NTRK3: variants seen among roughly 807,000 people sequenced by gnomAD.
The protein encoded by NTRK3 is neurotrophic receptor tyrosine kinase 3.
A neutral mutation model predicts 91.7 loss-of-function variants in NTRK3; 24 were observed. The observed-to-expected ratio is 0.26, with a 90% confidence interval of 0.19 to 0.37. NTRK3 has a LOEUF of 0.37. NTRK3 is among the 10% of genes least tolerant of loss of function. The probability of loss-of-function intolerance (pLI) is 1.00; values close to 1 mark genes in which losing one functional copy is unlikely to be tolerated. For synonymous variants in NTRK3, 483 were observed against 404.0 expected (o/e 1.20, Z -2.34); for missense variants, 880 against 1,068.9 (o/e 0.82, Z 2.46).
At chr15:88,075,934 T>C (rs1597154925) in intron 13 of NTRK3, among the ~76,000 whole-genome samples, 1 of 152,200 alleles carries the variant, frequency 6.6e-6, no homozygotes, top group Admixed American at 6.5e-5. Flanking sequence ...ATCATGTATG[T>C]GAAGCACTAA....
chr15:88,131,234 C>T (rs1411079292), intron 10 of NTRK3, among the ~76,000 whole-genome samples: 1 of 152,136 alleles, frequency 6.6e-6, no homozygotes, highest in Non-Finnish European at 1.5e-5. Context: ...CCCACCATGC[C>T]CTGAAAAGTA....
intron 3 of NTRK3, among the ~76,000 whole-genome samples, chr15:88,192,719 T>C (rs2047509910): frequency 6.6e-6 from 1 of 152,130 alleles, no homozygotes; most frequent in South Asian, 2.1e-4. Flanking sequence ...AGTCACACTG[T>C]CCTGCTTCTG....
chr15:88,054,088 C>T (rs1211381477), intron 13 of NTRK3, among the ~76,000 whole-genome samples: 1 of 152,080 alleles, frequency 6.6e-6, no homozygotes, highest in Non-Finnish European at 1.5e-5. Context: ...AGCATTGAGC[C>T]CAGTTCAATA....
chr15:88,044,578 C>T (rs866961166), intron 13 of NTRK3, among the ~76,000 whole-genome samples: 4 of 146,706 alleles, frequency 2.7e-5, no homozygotes, highest in African/African-American at 1.0e-4. Context: ...CCCGCCCCCC[C>T]ACCCCACCAC....
intron 6 of NTRK3, among the ~76,000 whole-genome samples, chr15:88,143,411 C>A (rs939234064): frequency 7.9e-5 from 12 of 152,174 alleles, no homozygotes; most frequent in African/African-American, 2.9e-4. Flanking sequence ...GAGTGTGGCC[C>A]TGCCAACTCC....
At chr15:87,902,625 A>T (rs1412398626) in intron 17 of NTRK3, among the ~76,000 whole-genome samples, 1 of 142,314 alleles carries the variant, frequency 7.0e-6, no homozygotes, top group Non-Finnish European at 1.6e-5. Flanking sequence ...AATGAAGCCA[A>T]CACTAGAAAT....
At chr15:87,913,258 T>G (rs1359170883) in intron 17 of NTRK3, among the ~76,000 whole-genome samples, 1 of 151,986 alleles carries the variant, frequency 6.6e-6, no homozygotes, top group East Asian at 1.9e-4. Flanking sequence ...GTAAAGCAGA[T>G]CCGCCTGGCA....
chr15:88,145,446 G>A (rs1379654639), intron 6 of NTRK3, among the ~76,000 whole-genome samples: 2 of 152,050 alleles, frequency 1.3e-5, no homozygotes, highest in Non-Finnish European at 2.9e-5. Context: ...ACTCACACTG[G>A]AGGGAATGTC....
At chr15:87,970,834 T>C (rs550818319) in intron 14 of NTRK3, among the ~76,000 whole-genome samples, 82 of 152,252 alleles carry the variant, frequency 5.4e-4, no homozygotes, top group African/African-American at 1.9e-3. Context: ...TTTCTGCAAG[T>C]TGGGGATTTC....
chr15:87,979,385 T>C, intron 14 of NTRK3: 1 of 1,613,546 alleles, frequency 6.2e-7, no homozygotes, highest in South Asian at 1.1e-5. Context: ...AACATTGACA[T>C]CCTCAACATA....
At chr15:88,087,576 C>T (rs530420073) in intron 13 of NTRK3, among the ~76,000 whole-genome samples, 2 of 152,290 alleles carry the variant, frequency 1.3e-5, no homozygotes, top group African/African-American at 2.4e-5. Context: ...TGAGACCTTC[C>T]TCTTGGGATC....
intron 14 of NTRK3, among the ~76,000 whole-genome samples, chr15:87,944,093 G>A (rs2070177643): frequency 1.3e-5 from 2 of 152,194 alleles, no homozygotes; most frequent in South Asian, 4.1e-4. Context: ...TGGGTAGGGT[G>A]GTGAGTGCTG....
rs1335207298 is a variant in NTRK3, at chr15:87,888,782, TG to T, written c.2134-8355del. On this transcript the variant is annotated intron_variant, in intron 17 of 18. Transcript: ENST00000394480. ...CTAAAAATATGTTGGCTTTTTTTTT[TG>T]TCTAAAATTCAAATTTAGCAAGGTG... 2.0e-5 allele frequency among the ~76,000 whole-genome samples: 3 copies of T among 152,290 alleles called. No homozygotes were observed. The East Asian group carries it at 5.8e-4, about 29-fold the overall frequency.
At chr15:87,919,861 G>A (rs969357957) in intron 17 of NTRK3, among the ~76,000 whole-genome samples, 4 of 152,192 alleles carry the variant, frequency 2.6e-5, no homozygotes, top group Non-Finnish European at 1.5e-5. Flanking sequence ...ATGTGGAAGA[G>A]CTATGGTCTA....
chr15:88,206,502 C>CAAAAAA (rs1300107382), intron 3 of NTRK3, among the ~76,000 whole-genome samples: 70 of 127,648 alleles, frequency 5.5e-4, no homozygotes, highest in Admixed American at 1.8e-3. Flanking sequence ...ACTAAAAATA[C>CAAAAAA]AAAAAATTAG....
intron 14 of NTRK3, chr15:87,981,407 C>A: frequency 6.2e-7 from 1 of 1,613,310 alleles, no homozygotes; most frequent in Non-Finnish European, 8.5e-7. Context: ...AGTATTAAAC[C>A]CCAAGTGCAA....
intron 14 of NTRK3, 112 bp downstream of exon 14, chr15:88,032,745 G>A (rs1007127197): frequency 5.1e-6 from 6 of 1,178,568 alleles, no homozygotes; most frequent in Non-Finnish European, 6.2e-6. Context: ...TAGAAAGTGG[G>A]AGGTTGGCAG....
chr15:88,044,322 A>T (rs2079948361), intron 13 of NTRK3, among the ~76,000 whole-genome samples: 1 of 139,348 alleles, frequency 7.2e-6, no homozygotes, highest in Admixed American at 8.0e-5. Flanking sequence ...GTGCAGTGAC[A>T]CGATCTCGGC....
At chr15:88,129,600 T>C (rs2053612827) in intron 10 of NTRK3, among the ~76,000 whole-genome samples, 1 of 152,174 alleles carries the variant, frequency 6.6e-6, no homozygotes, top group South Asian at 2.1e-4. Flanking sequence ...GAGGATTCCT[T>C]GGAGAAATGG....
Sources: gnomAD v4.1 joint callset for allele counts (sites outside exome capture counted in the v4.1 genomes callset) on GRCh38, gnomAD v4.1.1 for gene constraint, MANE v1.5 for transcripts, NCBI Gene and HGNC (gene_info 2026-07-23, HGNC 2026-07-21) for gene names.